The following SRL variants were observed in gnomAD, a reference collection of about 807,000 sequenced individuals.
The protein encoded by SRL is sarcalumenin.
SRL carries 23 observed loss-of-function variants against 39.5 expected under a neutral mutation model. The observed-to-expected ratio is 0.58, with a 90% confidence interval of 0.42 to 0.82. SRL has a LOEUF of 0.82. Among genes scored for constraint, SRL ranks in the 40% least tolerant of loss-of-function variants. The probability of loss-of-function intolerance (pLI) is 0.00; values close to 1 mark genes in which losing one functional copy is unlikely to be tolerated. For synonymous variants in SRL, 272 were observed against 237.4 expected, an observed-to-expected ratio of 1.15 and a Z score of -1.34; for missense variants, 592 against 607.8, an observed-to-expected ratio of 0.97 and a Z score of 0.27.
chr16:4,195,557 T>C lies in SRL; in HGVS notation c.606A>G (p.Glu202=). 6.2e-7 allele frequency: 1 copy of C among 1,614,122 alleles called. No homozygotes were observed. The change falls in exon 5 of 6, where the codon GAA becomes GAG. Residue 202 remains glutamate (E), a synonymous_variant. Transcript: ENST00000399609. ...CAGAAATGAGGGCTAAATTACCTCT[T>C]TCTTGCTGCTTGCGGTTCTCGATGA... ...PGIIENRKQQ[E]RGYPFNDVCQ... is the part of the protein sequence containing the mutation.
chr16:4,230,661 T>A (rs918474061), intron 1 of SRL, among the ~76,000 whole-genome samples: 1 of 151,934 alleles, frequency 6.6e-6, no homozygotes, highest in Non-Finnish European at 1.5e-5. Context: ...GTGCTGGGAT[T>A]ACAGGTGTGA....
chr16:4,232,758 C>T (rs561241536), intron 1 of SRL, among the ~76,000 whole-genome samples: 1 of 152,348 alleles, frequency 6.6e-6, no homozygotes, highest in Admixed American at 6.5e-5. Context: ...GGGATCTACC[C>T]GCTTCAACCT....
In SRL at chr16:4,197,786, G is replaced by T. The variant is rs376178448; in HGVS notation, c.376+13C>A. On this transcript the variant is annotated intron_variant, in intron 4 of 5. Coordinates refer to ENST00000399609, the MANE Select transcript of SRL (RefSeq NM_001098814.2). ...CATTCAAATCCCAACAATCACACAAGAATATTGATTACCTGTATAGAGCTG... is the reference window on the plus strand; with the variant it reads ...CATTCAAATCCCAACAATCACACAATAATATTGATTACCTGTATAGAGCTG... 3.3e-5 allele frequency: 50 copies of T among 1,524,464 alleles called. No homozygotes were observed. The African/African-American group carries it at 5.9e-4, about 18-fold the overall frequency. 94.4% of individuals were successfully genotyped at this position (1,524,464 alleles called of 1,614,324 possible).
At chr16:4,223,231 C>CAA (rs34513855) in intron 1 of SRL, among the ~76,000 whole-genome samples, 171 of 96,114 alleles carry the variant, frequency 1.8e-3, no homozygotes, top group Middle Eastern at 0.013. Flanking sequence ...AACTCTGTCT[C>CAA]AAAAAAAAAA....
At chr16:4,194,493 G>C (rs947782469) in intron 5 of SRL, among the ~76,000 whole-genome samples, 2 of 152,170 alleles carry the variant, frequency 1.3e-5, no homozygotes, top group African/African-American at 4.8e-5. Flanking sequence ...AGCAGAAACC[G>C]GGAATAGGAG....
intron 1 of SRL, among the ~76,000 whole-genome samples, chr16:4,229,397 C>T (rs962412414): frequency 2.0e-5 from 3 of 152,000 alleles, no homozygotes; most frequent in Non-Finnish European, 4.4e-5. Context: ...TTGCAGTGAG[C>T]CAAGATCACG....
Position 4,242,045 on chromosome 16 carries a change from C to T in SRL, c.23G>A (p.Gly8Asp). MRALVLL[G>D]CLLASLLFSG... ...GAACAGGAGCGAGGCCAGGAGGCAGCCGAGCAGGACCAGCGCCCTCATGGT... is the reference window on the plus strand; with the variant it reads ...GAACAGGAGCGAGGCCAGGAGGCAGTCGAGCAGGACCAGCGCCCTCATGGT... Residue 8 changes from glycine to aspartate, a missense_variant, in exon 1 of 6, where the codon GGC (glycine) becomes GAC (aspartate). Physicochemically the swap from Gly to Asp is moderately conservative, Grantham distance 94. Coordinates refer to ENST00000399609, the MANE Select transcript of SRL (RefSeq NM_001098814.2). The T allele has an allele frequency of 1.9e-6, 3 of 1,612,828 alleles. No individual in the cohort carries two copies. The Admixed American group carries it at 5.0e-5, about 27-fold the overall frequency.
intron 1 of SRL, among the ~76,000 whole-genome samples, chr16:4,221,630 C>T (rs1258406831): frequency 6.6e-6 from 1 of 152,256 alleles, no homozygotes; most frequent in Non-Finnish European, 1.5e-5. Flanking sequence ...GATCCCTGCA[C>T]TGATGCCTGA....
chr16:4,232,737 C>G (rs922238361), intron 1 of SRL, among the ~76,000 whole-genome samples: 5 of 152,210 alleles, frequency 3.3e-5, no homozygotes, highest in East Asian at 1.9e-4. Context: ...CTCTTGAACT[C>G]CTGCGGTCAA....
rs542373369 is a variant in SRL, at chr16:4,210,983, T to A, written c.62-6349A>T. Among the ~76,000 whole-genome samples, 80 of 152,222 alleles carry A rather than the reference T, an allele frequency of 5.3e-4. No individual in the cohort carries two copies. The Middle Eastern group carries it at 0.014, about 26-fold the overall frequency. On this transcript the variant is annotated intron_variant, in intron 1 of 5. Transcript: ENST00000399609. ...TCTGCATTTTAACAAAATGGCCAGG[T>A]GATTCCTGTGCACATTACAGTCTGA...
intron 2 of SRL, among the ~76,000 whole-genome samples, chr16:4,204,019 C>T (rs548174807): frequency 1.2e-3 from 176 of 152,292 alleles, no homozygotes; most frequent in Non-Finnish European, 1.8e-3. Context: ...TATGGGGTGA[C>T]GAGTCAGGCT....
chr16:4,219,012 C>G (rs1178030157), intron 1 of SRL, among the ~76,000 whole-genome samples: 2 of 152,282 alleles, frequency 1.3e-5, no homozygotes, highest in African/African-American at 2.4e-5. Context: ...ACCGCCAGGT[C>G]CTGGCATTCA....
chr16:4,222,948 G>C (rs537402549), intron 1 of SRL, among the ~76,000 whole-genome samples: 55 of 152,082 alleles, frequency 3.6e-4, no homozygotes, highest in African/African-American at 1.3e-3. Flanking sequence ...ACAAAAATTA[G>C]GCTGAGTGCG....
In SRL at chr16:4,192,017, G is replaced by T; in HGVS notation, c.*136C>A. The T allele has an allele frequency of 3.1e-6, 3 of 965,666 alleles. No homozygotes were observed. The highest frequency in any genetic ancestry group is 4.7e-6 in the Non-Finnish European group (3 of 643,164). The allele number at this position is 965,666 out of a possible 1,614,324, so 59.8% of individuals were successfully genotyped here. A position where few individuals can be genotyped will look rare whatever the true frequency, so the allele number is the denominator to read the frequency against. On this transcript the variant is annotated 3_prime_UTR_variant, in exon 6 of 6. Coordinates refer to ENST00000399609, the MANE Select transcript of SRL (RefSeq NM_001098814.2). The surrounding 1 kb of genome is among the most constrained non-coding windows in gnomAD (Gnocchi z 4.0). ...ACCCACACACCTGCCCCGACCCCTG[G>T]CCTCAATGAACTCCCAACTCTCCAC...
intron 3 of SRL, among the ~76,000 whole-genome samples, chr16:4,202,143 G>C (rs912643859): frequency 6.6e-6 from 1 of 152,236 alleles, no homozygotes; most frequent in African/African-American, 2.4e-5. Context: ...ACAGCTGTCA[G>C]AGGGAAGGAG....
intron 1 of SRL, among the ~76,000 whole-genome samples, chr16:4,208,610 T>A (rs2052355871): frequency 1.3e-5 from 2 of 152,238 alleles, no homozygotes; most frequent in Admixed American, 1.3e-4. Context: ...CTTTTAATAC[T>A]GCTCTCAGCG....
intron 1 of SRL, among the ~76,000 whole-genome samples, chr16:4,209,221 C>T (rs1420718248): frequency 6.6e-6 from 1 of 151,646 alleles, no homozygotes; most frequent in Non-Finnish European, 1.5e-5. Flanking sequence ...TGCAGTGAGC[C>T]GAGATCGCGC....
chr16:4,200,155 C>G (rs1030704752), intron 3 of SRL, among the ~76,000 whole-genome samples: 5 of 152,228 alleles, frequency 3.3e-5, no homozygotes, highest in Non-Finnish European at 5.9e-5. Flanking sequence ...CACCATGGCC[C>G]TGCCCCATCC....
At chr16:4,199,833 A>T (rs1832933554) in intron 3 of SRL, among the ~76,000 whole-genome samples, 1 of 150,184 alleles carries the variant, frequency 6.7e-6, no homozygotes, top group Non-Finnish European at 1.5e-5. Flanking sequence ...AGCAGCTGGG[A>T]CTACAGGTGC....
Sources: allele counts gnomAD v4.1 joint callset (sites outside exome capture counted in the v4.1 genomes callset), GRCh38; gene constraint gnomAD v4.1.1; non-coding constraint Gnocchi (gnomAD v3.1); transcripts MANE v1.5; gene names NCBI Gene and HGNC (gene_info 2026-07-23, HGNC 2026-07-21).